The following PDE4D variants were observed in gnomAD, a reference collection of about 807,000 sequenced individuals.
PDE4D encodes 3',5'-cyclic-AMP phosphodiesterase 4D.
PDE4D carries 24 observed loss-of-function variants against 87.4 expected under a neutral mutation model. The ratio of observed to expected loss-of-function variants is 0.27; its 90% CI spans 0.20 to 0.39. The LOEUF (loss-of-function observed/expected upper bound fraction) is 0.39. Among genes scored for constraint, PDE4D ranks in the 10% least tolerant of loss-of-function variants. The pLI, the probability that PDE4D is intolerant of heterozygous loss-of-function variation, is 1.00. For missense variants in PDE4D, 714 were observed against 1,041.0 expected (o/e 0.69, Z 4.32); for synonymous variants, 384 against 383.2 (o/e 1.00, Z -0.02).
intron 5 of PDE4D, among the ~76,000 whole-genome samples, chr5:59,072,598 T>C (rs1288381842): frequency 6.6e-6 from 1 of 152,214 alleles, no homozygotes; most frequent in Non-Finnish European, 1.5e-5. Flanking sequence ...GTTATCTCCC[T>C]TCCCACTTTC....
At chr5:59,145,710 G>A (rs1421960288) in intron 5 of PDE4D, among the ~76,000 whole-genome samples, 1 of 152,114 alleles carries the variant, frequency 6.6e-6, no homozygotes, top group Non-Finnish European at 1.5e-5. Context: ...ATTGAAAGCC[G>A]CTGATTTCAC....
intron 1 of PDE4D, among the ~76,000 whole-genome samples, chr5:59,383,482 T>C (rs1047298749): frequency 1.2e-4 from 18 of 152,176 alleles, no homozygotes; most frequent in African/African-American, 4.3e-4. Flanking sequence ...TGAACTCCCC[T>C]GCTATTGCAC....
chr5:60,118,402 C>A (rs554971042), intron 2 of PDE4D, among the ~76,000 whole-genome samples: 38 of 152,108 alleles, frequency 2.5e-4, no homozygotes, highest in Non-Finnish European at 1.8e-4. Context: ...GAATCCCATG[C>A]ACTTGCTTTT....
chr5:59,439,406 T>G (rs1797259966), intron 1 of PDE4D, among the ~76,000 whole-genome samples: 1 of 149,164 alleles, frequency 6.7e-6, no homozygotes, highest in African/African-American at 2.5e-5. Context: ...CAGAGCCAAG[T>G]GACTTTGGGT....
chr5:59,757,787 C>A (rs1043988281), intron 1 of PDE4D, among the ~76,000 whole-genome samples: 12 of 152,170 alleles, frequency 7.9e-5, no homozygotes, highest in African/African-American at 2.9e-4. Context: ...TATTCTCTGG[C>A]TGGCTTTGTT....
At chr5:59,463,852 C>T (rs1801134370) in intron 1 of PDE4D, among the ~76,000 whole-genome samples, 1 of 152,138 alleles carries the variant, frequency 6.6e-6, no homozygotes, top group African/African-American at 2.4e-5. Flanking sequence ...ACATAGGAGA[C>T]TCCATTTTGT....
intron 3 of PDE4D, among the ~76,000 whole-genome samples, chr5:59,924,886 A>T (rs1344044407): frequency 6.6e-6 from 1 of 152,116 alleles, no homozygotes; most frequent in African/African-American, 2.4e-5. Flanking sequence ...ATCAAAAATA[A>T]TAACTACAGC....
chr5:59,073,515 GC>G (rs1765206382), intron 5 of PDE4D, among the ~76,000 whole-genome samples: 1 of 132,042 alleles, frequency 7.6e-6, no homozygotes, highest in Non-Finnish European at 1.7e-5. Flanking sequence ...GGCGGGGGGG[GC>G]GGGTGGTTGG....
At chr5:59,822,823 T>C (rs1000753120) in intron 1 of PDE4D, among the ~76,000 whole-genome samples, 1 of 152,168 alleles carries the variant, frequency 6.6e-6, no homozygotes, top group Non-Finnish European at 1.5e-5. Flanking sequence ...ACAGTCAAGT[T>C]CCAGCAACTG....
intron 1 of PDE4D, among the ~76,000 whole-genome samples, chr5:60,458,156 G>A (rs1224666969): frequency 3.3e-5 from 5 of 152,056 alleles, no homozygotes; most frequent in South Asian, 2.1e-4. Flanking sequence ...AGGCCAAGGC[G>A]GGTGGATCAC....
At chr5:59,969,991 A>G (rs4699947) in intron 3 of PDE4D, among the ~76,000 whole-genome samples, 36,667 of 152,174 alleles carry the variant, frequency 0.24, 5,229 homozygotes, top group Admixed American at 0.34. Flanking sequence ...TACAACAAAG[A>G]CAGTAACTTC....
chr5:60,353,825 C>T (rs554802843), intron 1 of PDE4D, among the ~76,000 whole-genome samples: 8 of 152,184 alleles, frequency 5.3e-5, no homozygotes, highest in South Asian at 4.1e-4. Flanking sequence ...ATTGACCAGG[C>T]GGCCAATAAC....
chr5:60,332,089 GC>G (rs1240774707), intron 1 of PDE4D, among the ~76,000 whole-genome samples: 1 of 152,134 alleles, frequency 6.6e-6, no homozygotes, highest in Non-Finnish European at 1.5e-5. Context: ...AACTCTTCCA[GC>G]TACTATTAAA....
At position 60,079,739 on chromosome 5, in the gene PDE4D, C is replaced by G. The variant is rs116114393; in HGVS notation, c.43-91022G>C. 8.6e-3 allele frequency among the ~76,000 whole-genome samples: 1,305 copies of G among 152,284 alleles called. 16 individuals are homozygous for G. Among genetic ancestry groups the G allele is most frequent in the African/African-American group, 0.03 (1,242 of 41,538 alleles). On this transcript the variant is annotated intron_variant, in intron 2 of 16. Coordinates refer to the PDE4D transcript ENST00000502484. ...TGTTCTGCTCCATTGGTCTATTTGT[C>G]TGTTTCAGTACCAGCACCATGCTGT...
intron 1 of PDE4D, among the ~76,000 whole-genome samples, chr5:60,245,474 T>C (rs1747656256): frequency 1.3e-5 from 2 of 152,138 alleles, no homozygotes; most frequent in Admixed American, 6.5e-5. Context: ...CAAAGAGATA[T>C]CTACACTCCC....
At chr5:59,319,942 C>T (rs202135329) in intron 1 of PDE4D, among the ~76,000 whole-genome samples, 8 of 152,106 alleles carry the variant, frequency 5.3e-5, no homozygotes, top group East Asian at 1.9e-4. Flanking sequence ...AGACAAACAC[C>T]GAAAAGTGAA....
intron 1 of PDE4D, among the ~76,000 whole-genome samples, chr5:59,613,699 C>A (rs559100040): frequency 6.6e-6 from 1 of 152,218 alleles, no homozygotes; most frequent in East Asian, 1.9e-4. Context: ...TGTAGAGACA[C>A]CTGCTTTGTA....
At chr5:59,865,587 C>CT (rs1176513721) in intron 1 of PDE4D, among the ~76,000 whole-genome samples, 1 of 152,152 alleles carries the variant, frequency 6.6e-6, no homozygotes. Flanking sequence ...CTGACTAAAG[C>CT]TTCAGAAGAC....
intron 1 of PDE4D, among the ~76,000 whole-genome samples, chr5:60,294,088 T>G (rs1753165400): frequency 6.6e-6 from 1 of 152,160 alleles, no homozygotes. Flanking sequence ...TCCTCACCAG[T>G]ATTTGGTGTT....
Sources: allele counts gnomAD v4.1 joint callset (sites outside exome capture counted in the v4.1 genomes callset), GRCh38; gene constraint gnomAD v4.1.1; transcripts MANE v1.5; gene names NCBI Gene and HGNC (gene_info 2026-07-23, HGNC 2026-07-21).